The following KCNMA1 variants were observed in gnomAD, a reference collection of about 807,000 sequenced individuals.
KCNMA1 encodes the protein Calcium-activated potassium channel subunit alpha-1.
A neutral mutation model predicts 140.0 loss-of-function variants in KCNMA1; 29 were observed. That is an observed-to-expected ratio of 0.21 (90% CI 0.15 to 0.28). KCNMA1 has a LOEUF of 0.28. Among genes scored for constraint, KCNMA1 ranks in the 10% least tolerant of loss-of-function variants. KCNMA1 has a pLI of 1.00. For synonymous variants in KCNMA1, 612 were observed against 611.9 expected (o/e 1.00, Z 0.00); for missense variants, 880 against 1,602.2 (o/e 0.55, Z 7.70).
At chr10:77,437,255 A>C (rs1789838354) in intron 1 of KCNMA1, among the ~76,000 whole-genome samples, 1 of 152,158 alleles carries the variant, frequency 6.6e-6, no homozygotes, top group South Asian at 2.1e-4. Flanking sequence ...ATAGGTGGGA[A>C]AGGATGGAGG....
chr10:77,368,500 C>G (rs2094497796), intron 2 of KCNMA1, among the ~76,000 whole-genome samples: 1 of 152,140 alleles, frequency 6.6e-6, no homozygotes, highest in African/African-American at 2.4e-5. Flanking sequence ...CTTATCTTTT[C>G]ATTCTCATAA....
At chr10:76,896,211 T>C (rs1589802681) in intron 25 of KCNMA1, among the ~76,000 whole-genome samples, 1 of 152,196 alleles carries the variant, frequency 6.6e-6, no homozygotes, top group African/African-American at 2.4e-5. Flanking sequence ...AGGCTCCTCC[T>C]GGGAATGCAT....
chr10:77,438,535 C>A (rs1425506461), intron 1 of KCNMA1, among the ~76,000 whole-genome samples: 4 of 151,050 alleles, frequency 2.6e-5, no homozygotes, highest in African/African-American at 9.8e-5. Flanking sequence ...TGCACTCCAG[C>A]CTGGGCAACA....
At chr10:77,025,051 C>G (rs2093270273) in intron 16 of KCNMA1, among the ~76,000 whole-genome samples, 1 of 151,780 alleles carries the variant, frequency 6.6e-6, no homozygotes, top group East Asian at 1.9e-4. Context: ...TGGAGAGAAG[C>G]ATCCTCCTGT....
intron 23 of KCNMA1, among the ~76,000 whole-genome samples, chr10:76,917,757 C>T (rs1427388590): frequency 2.6e-5 from 4 of 152,160 alleles, no homozygotes; most frequent in Non-Finnish European, 5.9e-5. Flanking sequence ...AAGCAAAAGG[C>T]AACAATAACA....
At position 77,507,184 on chromosome 10, in the gene KCNMA1, A is replaced by G. The variant is rs572987587; in HGVS notation, c.379-103161T>C. Among the ~76,000 whole-genome samples the G allele has an allele frequency of 5.9e-5, 9 of 152,328 alleles. No individual in the cohort carries two copies. In the South Asian group the frequency reaches 1.9e-3, roughly 32 times the overall value. ...GCAGCCTCTGAATTATTAGTTTTTT[A>G]TTAAAAATACAAACAGCTCTATGGA... On this transcript the variant is annotated intron_variant, in intron 1 of 27. Coordinates refer to ENST00000286628, the MANE Select transcript of KCNMA1 (RefSeq NM_001161352.2).
At chr10:77,127,189 T>G (rs2097761735) in intron 5 of KCNMA1, among the ~76,000 whole-genome samples, 1 of 151,878 alleles carries the variant, frequency 6.6e-6, no homozygotes. Context: ...GACATTAATC[T>G]ATTATTATTG....
Position 77,223,540 on chromosome 10 carries a change from T to C in KCNMA1, c.602+27655A>G, listed in dbSNP as rs117195774. 6.6e-4 allele frequency among the ~76,000 whole-genome samples: 101 copies of C among 152,200 alleles called. 2 individuals carry two copies. The East Asian group carries it at 0.016, about 24-fold the overall frequency. On this transcript the variant is annotated intron_variant, in intron 3 of 27. Coordinates refer to ENST00000286628, the MANE Select transcript of KCNMA1 (RefSeq NM_001161352.2). The stretch of plus-strand genomic sequence containing the variant: ...CCATGACATCCAAGATGGGATACAG[T>C]CTTGATTGGACATACAGACAGACAT...
intron 1 of KCNMA1, among the ~76,000 whole-genome samples, chr10:77,428,694 G>C (rs963342778): frequency 6.6e-6 from 1 of 152,014 alleles, no homozygotes; most frequent in Admixed American, 6.5e-5. Context: ...ATTGTGTTTT[G>C]GTTACTGGAG....
intron 1 of KCNMA1, chr10:77,499,101 T>C (rs903902185): frequency 2.0e-5 from 3 of 152,226 alleles, no homozygotes; most frequent in Non-Finnish European, 4.4e-5. Context: ...TCGTGTGATA[T>C]TGTGATAATT....
chr10:77,327,312 G>A (rs537484415), intron 2 of KCNMA1, among the ~76,000 whole-genome samples: 25 of 151,466 alleles, frequency 1.7e-4, no homozygotes, highest in African/African-American at 5.6e-4. Context: ...AGCAGAAGAG[G>A]AGACTGAGCA....
chr10:76,966,235 G>A (rs981416389), intron 20 of KCNMA1, among the ~76,000 whole-genome samples: 2 of 152,210 alleles, frequency 1.3e-5, no homozygotes, highest in Non-Finnish European at 2.9e-5. Context: ...GAAGTGCACA[G>A]ACTTTTTGGA....
chr10:77,093,282 G>C (rs2096857366), intron 9 of KCNMA1, among the ~76,000 whole-genome samples: 1 of 152,184 alleles, frequency 6.6e-6, no homozygotes, highest in Non-Finnish European at 1.5e-5. Context: ...AAGCGAGATT[G>C]ATTGAAAGCA....
intron 5 of KCNMA1, among the ~76,000 whole-genome samples, chr10:77,179,730 A>G (rs1298241933): frequency 6.6e-6 from 1 of 152,134 alleles, no homozygotes; most frequent in Non-Finnish European, 1.5e-5. Context: ...CACTCCCAGG[A>G]GATGTGACCT....
At chr10:77,552,173 C>T (rs1432559172) in intron 1 of KCNMA1, among the ~76,000 whole-genome samples, 1 of 152,202 alleles carries the variant, frequency 6.6e-6, no homozygotes, top group African/African-American at 2.4e-5. Flanking sequence ...CCAGCCACTA[C>T]AAAGGGGCCC....
At chr10:77,294,455 G>C (rs2074313798) in intron 2 of KCNMA1, among the ~76,000 whole-genome samples, 4 of 152,168 alleles carry the variant, frequency 2.6e-5, no homozygotes, top group Admixed American at 2.6e-4. Flanking sequence ...TATACATCTT[G>C]GAAGGCAATG....
intron 1 of KCNMA1, among the ~76,000 whole-genome samples, chr10:77,567,272 T>C (rs942286601): frequency 2.0e-5 from 3 of 152,232 alleles, no homozygotes; most frequent in African/African-American, 7.2e-5. Context: ...TGTCACCATG[T>C]TAACCACATT....
intron 3 of KCNMA1, among the ~76,000 whole-genome samples, chr10:77,242,603 A>G (rs560369868): frequency 6.6e-6 from 1 of 152,008 alleles, no homozygotes; most frequent in African/African-American, 2.4e-5. Context: ...TTGTTATCTT[A>G]TTTTTCCTTT....
At chr10:76,982,989 C>T (rs938094355) in intron 19 of KCNMA1, among the ~76,000 whole-genome samples, 1 of 152,170 alleles carries the variant, frequency 6.6e-6, no homozygotes, top group African/African-American at 2.4e-5. Context: ...AGGCCTATTC[C>T]TCACAGCCCA....
Sources: gnomAD v4.1 joint callset for allele counts (sites outside exome capture counted in the v4.1 genomes callset) on GRCh38, gnomAD v4.1.1 for gene constraint, MANE v1.5 for transcripts, NCBI Gene and HGNC (gene_info 2026-07-23, HGNC 2026-07-21) for gene names.